The following BCAR3 variants were observed in gnomAD, a reference collection of about 807,000 sequenced individuals.
BCAR3 encodes the protein BCAR3 adaptor protein, NSP family member, also known as breast cancer anti-estrogen resistance protein 3.
In BCAR3, 37 loss-of-function variants were observed where a neutral mutation model predicts 80.1. That is an observed-to-expected ratio of 0.46 (90% confidence interval 0.36 to 0.61). BCAR3 has a LOEUF of 0.61. BCAR3 is among the 20% of genes least tolerant of loss of function. The pLI is 0.00. For missense variants in BCAR3, 978 were observed against 1,068.2 expected (o/e 0.92, Z 1.18); for synonymous variants, 389 against 418.9 (o/e 0.93, Z 0.87).
intron 2 of BCAR3, among the ~76,000 whole-genome samples, chr1:93,657,966 T>TA (rs895062940): frequency 2.6e-5 from 4 of 151,600 alleles, no homozygotes; most frequent in African/African-American, 7.3e-5. Flanking sequence ...TTTTTTTTTT[T>TA]AGACAGTCTT....
chr1:93,839,302 GA>G (rs1381635120), intron 2 of BCAR3, among the ~76,000 whole-genome samples: 4 of 151,994 alleles, frequency 2.6e-5, no homozygotes, highest in Non-Finnish European at 5.9e-5. Flanking sequence ...AAAATAAAAA[GA>G]AAAAAACTAA....
rs111683623 is a variant in BCAR3 at position 93,774,763 on chromosome 1, T to C, written c.-62-68621A>G. ...ATTTTCTATAGCTTTCTATCTGGTT[T>C]CTCACACATCTTCAATGACATCTGA... On this transcript the variant is annotated intron_variant, in intron 2 of 13. Transcript: ENST00000370244. Among the ~76,000 whole-genome samples the C allele has an allele frequency of 9.2e-4, 140 of 152,350 alleles. 3 individuals carry two copies. Among genetic ancestry groups the C allele is most frequent in the African/African-American group, 3.2e-3 (135 of 41,584 alleles).
At chr1:93,819,789 A>C (rs367801999) in intron 2 of BCAR3, among the ~76,000 whole-genome samples, 3 of 152,144 alleles carry the variant, frequency 2.0e-5, no homozygotes, top group Non-Finnish European at 4.4e-5. Flanking sequence ...TTTTAGGTTC[A>C]GGGGTACAAA....
chr1:93,653,106 G>C (rs921083907), intron 2 of BCAR3, among the ~76,000 whole-genome samples: 8 of 152,186 alleles, frequency 5.3e-5, no homozygotes, highest in African/African-American at 1.9e-4. Context: ...TTTCCAAGTA[G>C]TTGAAATACA....
At chr1:93,749,305 T>C (rs1331333686) in intron 2 of BCAR3, among the ~76,000 whole-genome samples, 1 of 152,010 alleles carries the variant, frequency 6.6e-6, no homozygotes, top group African/African-American at 2.4e-5. Flanking sequence ...ATATAAATCA[T>C]GGGCTGGCCG....
chr1:93,762,013 G>C (rs1250984381), intron 2 of BCAR3, among the ~76,000 whole-genome samples: 1 of 152,176 alleles, frequency 6.6e-6, no homozygotes, highest in African/African-American at 2.4e-5. Flanking sequence ...CAAGAGTTGG[G>C]ATCATGGTTT....
At chr1:93,805,350 A>G (rs188217459) in intron 2 of BCAR3, among the ~76,000 whole-genome samples, 1 of 152,376 alleles carries the variant, frequency 6.6e-6, no homozygotes, top group Admixed American at 6.5e-5. Context: ...CAGTCTGGAA[A>G]TGAAAAGGAT....
intron 3 of BCAR3, among the ~76,000 whole-genome samples, chr1:93,638,446 T>C (rs1675867650): frequency 6.6e-6 from 1 of 152,242 alleles, no homozygotes; most frequent in Non-Finnish European, 1.5e-5. Flanking sequence ...GGACACAGTG[T>C]AATTGTGTTT....
chr1:93,698,148 T>A (rs972677652), intron 3 of BCAR3, among the ~76,000 whole-genome samples: 1 of 152,088 alleles, frequency 6.6e-6, no homozygotes, highest in East Asian at 1.9e-4. Flanking sequence ...GGATGGCCAG[T>A]CCTGACCACT....
At chr1:93,814,420 T>C (rs1298468845) in intron 2 of BCAR3, among the ~76,000 whole-genome samples, 1 of 152,164 alleles carries the variant, frequency 6.6e-6, no homozygotes, top group Non-Finnish European at 1.5e-5. Flanking sequence ...ACAGAGATGG[T>C]CATGCAGTGT....
At chr1:93,713,062 C>A (rs563348247) in intron 2 of BCAR3, among the ~76,000 whole-genome samples, 1 of 152,334 alleles carries the variant, frequency 6.6e-6, no homozygotes, top group Non-Finnish European at 1.5e-5. Flanking sequence ...TCTGCACTGT[C>A]CACTATGGTT....
chr1:93,689,091 G>A (rs1649076746), intron 3 of BCAR3, among the ~76,000 whole-genome samples: 1 of 152,208 alleles, frequency 6.6e-6, no homozygotes, highest in South Asian at 2.1e-4. Context: ...ACATTACCAG[G>A]ACTTTCATCC....
At chr1:93,645,038 G>A (rs1244306647) in intron 2 of BCAR3, among the ~76,000 whole-genome samples, 1 of 152,176 alleles carries the variant, frequency 6.6e-6, no homozygotes, top group Non-Finnish European at 1.5e-5. Flanking sequence ...ATAGGTAAAT[G>A]AGAGACTGAG....
intron 3 of BCAR3, among the ~76,000 whole-genome samples, chr1:93,619,993 T>C (rs946336658): frequency 2.6e-5 from 4 of 152,188 alleles, no homozygotes; most frequent in African/African-American, 9.7e-5. Context: ...AAGTGAGATA[T>C]CACATGGAGG....
intron 3 of BCAR3, among the ~76,000 whole-genome samples, chr1:93,598,608 C>T (rs1412659349): frequency 2.6e-5 from 4 of 152,204 alleles, no homozygotes; most frequent in Non-Finnish European, 5.9e-5. Context: ...TGGAAGATGA[C>T]ACACAAAGAA....
chr1:93,638,238 G>C (rs1392059437), intron 3 of BCAR3, among the ~76,000 whole-genome samples: 1 of 152,206 alleles, frequency 6.6e-6, no homozygotes, highest in East Asian at 1.9e-4. Context: ...AACAGAGCAA[G>C]ACTCTGTCTC....
chr1:93,696,343 GC>G (rs1649402031), intron 3 of BCAR3, among the ~76,000 whole-genome samples: 1 of 152,082 alleles, frequency 6.6e-6, no homozygotes, highest in South Asian at 2.1e-4. Context: ...TCCAGCTATT[GC>G]CCAAGCTGGA....
chr1:93,590,465 T>C (rs189935970), intron 4 of BCAR3: 2 of 152,360 alleles, frequency 1.3e-5, no homozygotes, highest in East Asian at 3.9e-4. Flanking sequence ...GTTATTACGG[T>C]TATGGTTATA....
At chr1:93,677,759 T>G (rs1648550021) in intron 1 of BCAR3, among the ~76,000 whole-genome samples, 1 of 152,176 alleles carries the variant, frequency 6.6e-6, no homozygotes, top group Non-Finnish European at 1.5e-5. Flanking sequence ...GCACTGGAGC[T>G]GCTGCATGTG....
Sources: allele counts gnomAD v4.1 joint callset (sites outside exome capture counted in the v4.1 genomes callset), GRCh38; gene constraint gnomAD v4.1.1; transcripts MANE v1.5; gene names NCBI Gene and HGNC (gene_info 2026-07-23, HGNC 2026-07-21).